The following NEGR1 variants were observed in gnomAD, a reference collection of about 807,000 sequenced individuals.
NEGR1 encodes the protein IgLON family member 4.
A neutral mutation model predicts 40.9 loss-of-function variants in NEGR1; 10 were observed. That is an observed-to-expected ratio of 0.24 (90% CI 0.15 to 0.42). The LOEUF (loss-of-function observed/expected upper bound fraction) is 0.42. Among genes scored for constraint, NEGR1 ranks in the 10% least tolerant of loss-of-function variants. The probability of loss-of-function intolerance (pLI) is 1.00; values close to 1 mark genes in which losing one functional copy is unlikely to be tolerated. For synonymous variants in NEGR1, 185 were observed against 166.8 expected, an observed-to-expected ratio of 1.11 and a Z score of -0.84; for missense variants, 352 against 438.9, an observed-to-expected ratio of 0.80 and a Z score of 1.77.
In NEGR1 at chr1:71,999,703, G is replaced by A. The variant is rs563019513; in HGVS notation, c.177-64392C>T. Among the ~76,000 whole-genome samples, 172 of 111,644 alleles carry A rather than the reference G, an allele frequency of 1.5e-3. 3 individuals carry two copies. Among genetic ancestry groups the A allele is most frequent in the African/African-American group, 5.7e-3 (164 of 28,574 alleles). The allele number at this position is 111,644 out of a possible 152,430, so 73.2% of individuals were successfully genotyped here. ...TACATACATATTTTTGTCCGGTCTC[G>A]GAGCCTTGACTTTACATGGAGTCTC... On this transcript the variant is annotated intron_variant, in intron 1 of 6. Coordinates refer to ENST00000357731, the MANE Select transcript of NEGR1 (RefSeq NM_173808.3).
intron 2 of NEGR1, among the ~76,000 whole-genome samples, chr1:71,858,677 T>G (rs767769067): frequency 5.3e-5 from 8 of 152,090 alleles, no homozygotes; most frequent in Non-Finnish European, 1.2e-4. Flanking sequence ...ATTTAAATCT[T>G]AATTACTAAA....
chr1:72,150,519 A>G (rs1651086504), intron 1 of NEGR1, among the ~76,000 whole-genome samples: 1 of 152,216 alleles, frequency 6.6e-6, no homozygotes, highest in African/African-American at 2.4e-5. Flanking sequence ...GATCTTAGCA[A>G]ATATTAAAGA....
intron 6 of NEGR1, among the ~76,000 whole-genome samples, chr1:71,583,415 T>G (rs1649197908): frequency 6.6e-6 from 1 of 152,100 alleles, no homozygotes; most frequent in African/African-American, 2.4e-5. Context: ...GCAAAATGGG[T>G]GTAAGAAAGG....
At chr1:71,520,843 A>G (rs1647152357) in intron 6 of NEGR1, among the ~76,000 whole-genome samples, 1 of 152,016 alleles carries the variant, frequency 6.6e-6, no homozygotes, top group Non-Finnish European at 1.5e-5. Flanking sequence ...TTCACATATG[A>G]CTTAAGAAAT....
At chr1:71,928,558 A>G (rs1214780619) in intron 2 of NEGR1, among the ~76,000 whole-genome samples, 1 of 147,732 alleles carries the variant, frequency 6.8e-6, no homozygotes. Flanking sequence ...ACATATGTGT[A>G]TATATATACC....
chr1:71,725,422 G>A (rs907102875), intron 3 of NEGR1, among the ~76,000 whole-genome samples: 1 of 152,026 alleles, frequency 6.6e-6, no homozygotes, highest in East Asian at 1.9e-4. Context: ...ATGCTGATAA[G>A]AGTTAAGGAA....
intron 1 of NEGR1, among the ~76,000 whole-genome samples, chr1:72,015,965 C>A (rs1006696708): frequency 6.6e-6 from 1 of 152,036 alleles, no homozygotes; most frequent in African/African-American, 2.4e-5. Context: ...TTTGTCTGAT[C>A]CAAAGAGAAA....
intron 6 of NEGR1, among the ~76,000 whole-genome samples, chr1:71,542,698 T>C (rs1206123348): frequency 6.6e-6 from 1 of 151,778 alleles, no homozygotes; most frequent in Non-Finnish European, 1.5e-5. Flanking sequence ...AACATTACTC[T>C]AAATATGACA....
At chr1:72,042,087 C>T (rs1272585566) in intron 1 of NEGR1, among the ~76,000 whole-genome samples, 1 of 150,796 alleles carries the variant, frequency 6.6e-6, no homozygotes, top group Admixed American at 6.7e-5. Context: ...ATCTCCACCT[C>T]AAGACAAATA....
intron 1 of NEGR1, among the ~76,000 whole-genome samples, chr1:72,113,787 A>T (rs1156552199): frequency 6.6e-6 from 1 of 151,774 alleles, no homozygotes; most frequent in African/African-American, 2.4e-5. Flanking sequence ...ATTTTCTACA[A>T]ATACTGTCAG....
chr1:72,176,200 T>G (rs1652157735), intron 1 of NEGR1, among the ~76,000 whole-genome samples: 1 of 152,126 alleles, frequency 6.6e-6, no homozygotes, highest in Admixed American at 6.6e-5. Flanking sequence ...TGTAGAATTT[T>G]ATGCAAAATT....
chr1:71,674,314 T>C (rs984706197), intron 4 of NEGR1, among the ~76,000 whole-genome samples: 10 of 152,186 alleles, frequency 6.6e-5, no homozygotes, highest in African/African-American at 1.9e-4. Context: ...CAGAAATACC[T>C]TGATAACTGC....
At chr1:72,237,487 C>T (rs1381441385) in intron 1 of NEGR1, among the ~76,000 whole-genome samples, 3 of 151,992 alleles carry the variant, frequency 2.0e-5, no homozygotes, top group East Asian at 3.9e-4. Flanking sequence ...CATTACTTCT[C>T]CCAAAATGCT....
At chr1:71,968,733 C>T (rs1646231770) in intron 1 of NEGR1, among the ~76,000 whole-genome samples, 1 of 152,148 alleles carries the variant, frequency 6.6e-6, no homozygotes, top group Non-Finnish European at 1.5e-5. Flanking sequence ...TAATTGGAAA[C>T]ATCTAGGTTT....
intron 6 of NEGR1, among the ~76,000 whole-genome samples, chr1:71,514,515 T>C (rs1424932207): frequency 0.019 from 603 of 31,794 alleles, 12 homozygotes; most frequent in Non-Finnish European, 0.028. Flanking sequence ...CTGAGGGTCC[T>C]GTCTGTTAGA....
intron 6 of NEGR1, among the ~76,000 whole-genome samples, chr1:71,576,958 C>G (rs1327445546): frequency 1.3e-5 from 2 of 152,138 alleles, no homozygotes; most frequent in African/African-American, 4.8e-5. Context: ...TGATGCTATT[C>G]CAAGTGCTGA....
At chr1:71,772,089 T>C (rs1217439113) in intron 3 of NEGR1, among the ~76,000 whole-genome samples, 2 of 152,210 alleles carry the variant, frequency 1.3e-5, no homozygotes, top group Non-Finnish European at 2.9e-5. Flanking sequence ...ATGAATATTA[T>C]GTGACTCCGG....
intron 3 of NEGR1, among the ~76,000 whole-genome samples, chr1:71,771,786 A>AATTCTACAG (rs1313067510): frequency 6.6e-6 from 1 of 151,542 alleles, no homozygotes; most frequent in East Asian, 1.9e-4. Flanking sequence ...GAGAAAGGGG[A>AATTCTACAG]ATTCTACAGT....
rs1646219352 is a variant in NEGR1, at chr1:71,397,359, C to G, written c.*10087G>C. On this transcript the variant is annotated 3_prime_UTR_variant, in exon 7 of 7. Coordinates refer to ENST00000357731, the MANE Select transcript of NEGR1 (RefSeq NM_173808.3). ...GTTTTGTTTTTGAGACAGAGTCTCACTTTGTCACCCAGGCAGGAGTGCAGT... is the reference window on the plus strand; with the variant it reads ...GTTTTGTTTTTGAGACAGAGTCTCAGTTTGTCACCCAGGCAGGAGTGCAGT... 1 of 153,786 alleles carries G rather than the reference C, an allele frequency of 6.5e-6. No homozygotes were observed. The highest frequency in any genetic ancestry group is 2.4e-5 in the African/African-American group (1 of 41,478). 9.5% of individuals were successfully genotyped at this position (153,786 alleles called of 1,614,324 possible).
Sources: allele counts gnomAD v4.1 joint callset (sites outside exome capture counted in the v4.1 genomes callset), GRCh38; gene constraint gnomAD v4.1.1; transcripts MANE v1.5; gene names NCBI Gene and HGNC (gene_info 2026-07-23, HGNC 2026-07-21).